Variants in LRTM1 observed in about 807,000 individuals in gnomAD.
The protein encoded by LRTM1 is leucine rich repeat transmembrane protein 1.
Under a neutral mutation model 32.4 loss-of-function variants are expected in LRTM1, and 38 were observed. The ratio of observed to expected loss-of-function variants is 1.17; its 90% CI spans 0.91 to 1.54. The LOEUF (loss-of-function observed/expected upper bound fraction) is 1.54, where lower values mean the gene tolerates loss of function less well. Among genes scored for constraint, LRTM1 ranks in the 40% most tolerant of loss-of-function variants. LRTM1 has a pLI of 0.00. For synonymous variants in LRTM1, 186 were observed against 169.9 expected (o/e 1.09, Z -0.74); for missense variants, 466 against 415.4 (o/e 1.12, Z -1.06).
At chr3:54,955,591 A>T (rs115016314) in intron 1 of LRTM1, among the ~76,000 whole-genome samples, 1,701 of 152,302 alleles carry the variant, frequency 0.011, 37 homozygotes, top group African/African-American at 0.037. Context: ...TCTAAGGTCT[A>T]TCAGCATGTC....
intron 1 of LRTM1, among the ~76,000 whole-genome samples, chr3:54,955,228 G>A (rs1259767253): frequency 6.6e-6 from 1 of 152,078 alleles, no homozygotes; most frequent in Non-Finnish European, 1.5e-5. Flanking sequence ...TGGAGGAGAC[G>A]GGCAGACATT....
rs560606749 is a variant in LRTM1, at chr3:54,925,034, G to A, written c.189C>T (p.His63=). 1.9e-6 allele frequency: 3 copies of A among 1,614,124 alleles called. No homozygotes were observed. Among genetic ancestry groups the A allele is most frequent in the East Asian group, 2.2e-5 (1 of 44,868 alleles). The stretch of plus-strand genomic sequence containing the variant: ...ACCTAAATGCAAAAGCAGGAAGATG[G>A]TGTATCTGATTATCTTGTAAATGCA... The part of the protein sequence containing the change: ...RTLHLQDNQI[H]HLPAFAFRSV... Residue 63 remains histidine, a synonymous_variant, in exon 2 of 3, where the codon CAC becomes CAT. Coordinates refer to ENST00000273286, the MANE Select transcript of LRTM1 (RefSeq NM_020678.4).
chr3:54,930,332 G>T (rs1461953213), upstream of LRTM1, among the ~76,000 whole-genome samples: 3 of 152,112 alleles, frequency 2.0e-5, no homozygotes, highest in Non-Finnish European at 4.4e-5. Context: ...TGATCTTTAA[G>T]GCCTTCTTAT....
chr3:54,962,093 C>G (rs930888111), intron 1 of LRTM1, among the ~76,000 whole-genome samples: 1 of 151,986 alleles, frequency 6.6e-6, no homozygotes, highest in African/African-American at 2.4e-5. Flanking sequence ...ATAGATTAAT[C>G]CATTCATGAG....
chr3:54,926,538 A>ACG (rs1701026514), intron 1 of LRTM1, among the ~76,000 whole-genome samples: 1 of 150,720 alleles, frequency 6.6e-6, no homozygotes, highest in Non-Finnish European at 1.5e-5. Flanking sequence ...ACACACACAC[A>ACG]CACACACACA....
chr3:54,922,826 C>A (rs1432485317), intron 2 of LRTM1, among the ~76,000 whole-genome samples: 2 of 152,156 alleles, frequency 1.3e-5, no homozygotes, highest in East Asian at 3.9e-4. Context: ...CTCACTCCCC[C>A]CAGTCCCCTC....
intron 1 of LRTM1, among the ~76,000 whole-genome samples, chr3:54,960,089 A>C (rs1001448644): frequency 2.6e-5 from 4 of 152,166 alleles, no homozygotes; most frequent in African/African-American, 9.7e-5. Flanking sequence ...AAAAAAAAAA[A>C]AAACCAAAGT....
At chr3:54,945,775 G>T (rs1304190676) in intron 1 of LRTM1, among the ~76,000 whole-genome samples, 3 of 152,168 alleles carry the variant, frequency 2.0e-5, no homozygotes, top group Non-Finnish European at 2.9e-5. Flanking sequence ...CTGGGCCATT[G>T]TATGTTGGGA....
intron 1 of LRTM1, 109 bp downstream of exon 1, chr3:54,927,796 C>G (rs1050508363): frequency 4.1e-6 from 5 of 1,205,464 alleles, no homozygotes; most frequent in Non-Finnish European, 6.2e-6. Context: ...TCTGTCCAGT[C>G]TTTTAAGACA....
intron 1 of LRTM1, among the ~76,000 whole-genome samples, chr3:54,950,486 T>A (rs754716313): frequency 2.0e-5 from 3 of 152,212 alleles, no homozygotes; most frequent in Non-Finnish European, 2.9e-5. Context: ...GATATAATGC[T>A]GACAATAATT....
chr3:54,952,064 T>C (rs1302552521), intron 1 of LRTM1, among the ~76,000 whole-genome samples: 1 of 152,166 alleles, frequency 6.6e-6, no homozygotes, highest in Non-Finnish European at 1.5e-5. Flanking sequence ...GGCCAGCTGC[T>C]CACAAACTCG....
chr3:54,955,383 G>A (rs981734546), intron 1 of LRTM1, among the ~76,000 whole-genome samples: 4 of 152,042 alleles, frequency 2.6e-5, no homozygotes, highest in Admixed American at 1.3e-4. Flanking sequence ...TCTCTTCTCT[G>A]GTCATTGATC....
chr3:54,922,435 G>C (rs955906321), intron 2 of LRTM1, among the ~76,000 whole-genome samples: 6 of 151,414 alleles, frequency 4.0e-5, no homozygotes, highest in Admixed American at 1.3e-4. Flanking sequence ...CACTTTACCT[G>C]TAGACGTAAA....
chr3:54,960,853 G>T (rs1305341228), intron 1 of LRTM1, among the ~76,000 whole-genome samples: 1 of 152,170 alleles, frequency 6.6e-6, no homozygotes, highest in Non-Finnish European at 1.5e-5. Context: ...TCACATTGCA[G>T]TTTTAAATTG....
At chr3:54,926,832 G>C (rs1207306049) in intron 1 of LRTM1, among the ~76,000 whole-genome samples, 2 of 152,036 alleles carry the variant, frequency 1.3e-5, no homozygotes, top group African/African-American at 2.4e-5. Context: ...AGACTGCCTT[G>C]GCTGTGCAGG....
At chr3:54,935,795 G>T (rs532720396) in intron 1 of LRTM1, among the ~76,000 whole-genome samples, 1 of 152,250 alleles carries the variant, frequency 6.6e-6, no homozygotes, top group South Asian at 2.1e-4. Context: ...ACAAGTCTGT[G>T]TTATGCTTTT....
chr3:54,920,097 A>C (rs1166181764), intron 2 of LRTM1, among the ~76,000 whole-genome samples: 1 of 152,216 alleles, frequency 6.6e-6, no homozygotes, highest in Non-Finnish European at 1.5e-5. Context: ...CAGTTAGCAA[A>C]GTTAGATTGG....
intron 1 of LRTM1, among the ~76,000 whole-genome samples, chr3:54,949,323 G>A (rs750721682): frequency 6.6e-6 from 1 of 152,180 alleles, no homozygotes; most frequent in Non-Finnish European, 1.5e-5. Flanking sequence ...TGGTCTAGGT[G>A]TGGATAAGGA....
At chr3:54,948,340 G>T (rs1701668161) in intron 1 of LRTM1, among the ~76,000 whole-genome samples, 1 of 152,174 alleles carries the variant, frequency 6.6e-6, no homozygotes, top group Non-Finnish European at 1.5e-5. Context: ...AAAACTGGAA[G>T]ATTCTTGATA....
Sources: gnomAD v4.1 joint callset for allele counts (sites outside exome capture counted in the v4.1 genomes callset) on GRCh38, gnomAD v4.1.1 for gene constraint, MANE v1.5 for transcripts, NCBI Gene and HGNC (gene_info 2026-07-23, HGNC 2026-07-21) for gene names.